PHKG1: variants seen among roughly 807,000 people sequenced by gnomAD.
The protein encoded by PHKG1 is phosphorylase b kinase gamma catalytic chain, skeletal muscle/heart isoform.
PHKG1 carries 48 observed loss-of-function variants against 50.5 expected under a neutral mutation model. The observed-to-expected ratio is 0.95, with a 90% CI of 0.75 to 1.21. The LOEUF is 1.21. Ranked by LOEUF, PHKG1 falls within the 50% of genes most tolerant of loss-of-function variation. The probability of loss-of-function intolerance (pLI) is 0.00; values close to 1 mark genes in which losing one functional copy is unlikely to be tolerated. For synonymous variants in PHKG1, 204 were observed against 212.8 expected, an observed-to-expected ratio of 0.96 and a Z score of 0.36; for missense variants, 487 against 519.5, an observed-to-expected ratio of 0.94 and a Z score of 0.61.
In PHKG1 at chr7:56,082,213, G is replaced by A. The variant is rs763610501; in HGVS notation, c.588C>T (p.Ile196=). ...GTPSYLAPEI[I]ECSMNEDHPG... Reference sequence around the variant, plus strand: ...GGTGGTCCTCATTCATGGAGCACTCGATAATCTCAGGGGCCAGGTAACTGG... The same window carrying A: ...GGTGGTCCTCATTCATGGAGCACTCAATAATCTCAGGGGCCAGGTAACTGG... The change falls in exon 7 of 10, where the codon ATC becomes ATT. Residue 196 remains isoleucine, a synonymous_variant. Coordinates refer to ENST00000297373, the MANE Select transcript of PHKG1 (RefSeq NM_006213.5). 6 of 1,613,788 alleles carry A rather than the reference G, an allele frequency of 3.7e-6. No individual in the cohort carries two copies. The highest frequency in any genetic ancestry group is 2.2e-5 in the East Asian group (1 of 44,870).
At chr7:56,089,030 C>T in intron 1 of PHKG1, 55 bp from the exon 2 acceptor site, 1 of 819,510 alleles carries the variant, frequency 1.2e-6, no homozygotes. Flanking sequence ...GGCTGTTCTC[C>T]TTGGGGTCTG....
intron 2 of PHKG1, 112 bp downstream of exon 2, chr7:56,088,747 C>T: frequency 1.5e-6 from 1 of 689,132 alleles, no homozygotes; most frequent in Admixed American, 2.4e-5. Context: ...AAGTGAACAG[C>T]ACTTTGGGGA....
chr7:56,089,016 C>T lies in PHKG1; in HGVS notation c.-34-41G>A, dbSNP rs1796387642. 3 of 967,296 alleles carry T rather than the reference C, an allele frequency of 3.1e-6. No individual in the cohort carries two copies. In the Admixed American group the frequency reaches 5.8e-5, roughly 19 times the overall value. The allele number at this position is 967,296 out of a possible 1,614,324, so 59.9% of individuals were successfully genotyped here. ...AAAGAAGCTGTCAGCCTTCCTGACC[C>T]AGGGGCTGTTCTCCTTGGGGTCTGG... On this transcript the variant is annotated intron_variant, in intron 1 of 9. Transcript: ENST00000297373.
chr7:56,090,175 G>A (rs750609835), intron 1 of PHKG1, among the ~76,000 whole-genome samples: 3 of 151,956 alleles, frequency 2.0e-5, no homozygotes, highest in Non-Finnish European at 4.4e-5. Flanking sequence ...AAGTGCAGTG[G>A]TGTGGTCTTG....
Position 56,080,589 on chromosome 7 carries a change from CAT to C in PHKG1, c.*463_*464del. On this transcript the variant is annotated 3_prime_UTR_variant, in exon 10 of 10. Coordinates refer to ENST00000297373, the MANE Select transcript of PHKG1 (RefSeq NM_006213.5). The stretch of plus-strand genomic sequence containing the variant: ...CCCCTTCTCCATATGCCTCCAAAAA[CAT>C]GTCCCTGGAGAGTAGCCTGCTCCCA... 5.6e-6 allele frequency: 1 copy of C among 177,154 alleles called. No individual in the cohort carries two copies. The highest frequency in any genetic ancestry group is 2.4e-5 in the African/African-American group (1 of 41,974). 11.0% of individuals were successfully genotyped at this position (177,154 alleles called of 1,614,324 possible). A position where few individuals can be genotyped will look rare whatever the true frequency, so the allele number is the denominator to read the frequency against.
At chr7:56,091,645 C>G (rs1318495978) in intron 1 of PHKG1, among the ~76,000 whole-genome samples, 1 of 152,176 alleles carries the variant, frequency 6.6e-6, no homozygotes, top group Non-Finnish European at 1.5e-5. Flanking sequence ...TGCCTCCAAC[C>G]CCCTTTCCCC....
At chr7:56,084,161 T>G in intron 4 of PHKG1, 1 of 1,529,718 alleles carries the variant, frequency 6.5e-7, no homozygotes, top group Non-Finnish European at 8.8e-7. Context: ...TGCCCTGCCC[T>G]GGGCCCTGAA....
chr7:56,081,144 C>T lies in PHKG1; in HGVS notation c.1074G>A (p.Trp358Ter). 1 of 1,613,894 alleles carries T rather than the reference C, an allele frequency of 6.2e-7. No individual in the cohort carries two copies. Among genetic ancestry groups the T allele is most frequent in the African/African-American group, 1.3e-5 (1 of 75,028 alleles). The change falls in exon 10 of 10, where the codon TGG becomes TGA. Residue 358 changes from tryptophan (W) to a stop codon, truncating the protein, a stop_gained. Transcript: ENST00000297373. LOFTEE classifies it high-confidence loss of function. This position sits in a 1 kb window ranked among gnomAD's most constrained non-coding sequence, Gnocchi z 4.6. ...GGTTCTGCTGCTGCCCCTTCTTCAC[C>T]CAGTGGCCATAGATTCGGAAAGCGT... ...DAYAFRIYGH[W>*]VKKGQQQNRA...
At position 56,080,740 on chromosome 7, in the gene PHKG1, C is replaced by T; in HGVS notation, c.*314G>A. On this transcript the variant is annotated 3_prime_UTR_variant, in exon 10 of 10. Coordinates refer to ENST00000297373, the MANE Select transcript of PHKG1 (RefSeq NM_006213.5). The stretch of plus-strand genomic sequence containing the variant: ...AAGCCTGAGTGTCAGTAACTCTGGG[C>T]CTCCCCTAAAGAGAAATGGAGATGG... 1 of 395,658 alleles carries T rather than the reference C, an allele frequency of 2.5e-6. No homozygotes were observed. The highest frequency in any genetic ancestry group is 4.0e-5 in the Admixed American group (1 of 25,156). The allele number at this position is 395,658 out of a possible 1,614,324, so 24.5% of individuals were successfully genotyped here. A position where few individuals can be genotyped will look rare whatever the true frequency, so the allele number is the denominator to read the frequency against.
intron 1 of PHKG1, 54 bp from the exon 2 acceptor site, chr7:56,089,029 C>T: frequency 1.2e-6 from 1 of 823,408 alleles, no homozygotes; most frequent in Non-Finnish European, 2.1e-6. Flanking sequence ...GGGCTGTTCT[C>T]CTTGGGGTCT....
chr7:56,084,123 C>G (rs2242510), intron 4 of PHKG1: 61,111 of 1,329,782 alleles, frequency 0.046, 2,123 homozygotes, highest in East Asian at 0.2. Flanking sequence ...CAATGGGCCC[C>G]GAGCTGGTGG....
At chr7:56,087,063 G>T in intron 3 of PHKG1, 39 bp from the exon 4 acceptor site, 1 of 1,576,128 alleles carries the variant, frequency 6.3e-7, no homozygotes, top group Non-Finnish European at 8.7e-7. Flanking sequence ...AGTAGCAGGG[G>T]AGCCCAGGCA....
chr7:56,091,871 C>T (rs1307933781), intron 1 of PHKG1, among the ~76,000 whole-genome samples: 1 of 152,270 alleles, frequency 6.6e-6, no homozygotes, highest in Non-Finnish European at 1.5e-5. Flanking sequence ...GCCTTCTCTG[C>T]CTGCCCCATC....
At position 56,083,366 on chromosome 7, in the gene PHKG1, G is replaced by A. The variant is rs150097641; in HGVS notation, c.459C>T (p.Pro153=). ...TGTTGTCATCCAAGAGAATGTTCTCGGGCTTCAGGTCCCGGTGCACGATGT... is the reference window on the plus strand; with the variant it reads ...TGTTGTCATCCAAGAGAATGTTCTCAGGCTTCAGGTCCCGGTGCACGATGT... ...KLNIVHRDLK[P]ENILLDDNMN... Residue 153 remains proline, a synonymous_variant, in exon 6 of 10, where the codon CCC becomes CCT. Coordinates refer to ENST00000297373, the MANE Select transcript of PHKG1 (RefSeq NM_006213.5). The A allele has an allele frequency of 3.5e-5, 56 of 1,613,990 alleles. No homozygotes were observed. The highest frequency in any genetic ancestry group is 1.0e-4 in the Admixed American group (6 of 59,988).
chr7:56,083,762 C>T (rs760591982), intron 4 of PHKG1, 47 bp from the exon 5 acceptor site: 1 of 1,298,114 alleles, frequency 7.7e-7, no homozygotes. Context: ...AAGACCACCA[C>T]TGCCCTTACC....
At chr7:56,092,640 G>C (rs374377085) in intron 1 of PHKG1, among the ~76,000 whole-genome samples, 196 bp downstream of exon 1, 1 of 152,064 alleles carries the variant, frequency 6.6e-6, no homozygotes, top group Non-Finnish European at 1.5e-5. Flanking sequence ...GATCAGTCCC[G>C]GGGACCTCTT....
At position 56,087,628 on chromosome 7, in the gene PHKG1, G is replaced by A. The variant is rs1363867457; in HGVS notation, c.232C>T (p.Leu78=). The change falls in exon 3 of 10, where the codon CTG becomes TTG. Residue 78 remains leucine, a synonymous_variant. Coordinates refer to ENST00000297373, the MANE Select transcript of PHKG1 (RefSeq NM_006213.5). The part of the protein sequence containing the change: ...REATLKEVDI[L]RKVSGHPNII... ...TTGGGGTGCCCTGAGACCTTGCGCAGGATGTCCACCTCCTTCAGCGTGGCT... is the reference window on the plus strand; with the variant it reads ...TTGGGGTGCCCTGAGACCTTGCGCAAGATGTCCACCTCCTTCAGCGTGGCT... 6.2e-7 allele frequency: 1 copy of A among 1,613,914 alleles called. No individual in the cohort carries two copies. Among genetic ancestry groups the A allele is most frequent in the African/African-American group, 1.3e-5 (1 of 75,050 alleles).
rs756697555 is a variant in PHKG1, at chr7:56,081,168, G to A, written c.1050C>T (p.Tyr350=). ...LRPLRRLIDA[Y]AFRIYGHWVK... is the part of the protein sequence containing the mutation. ...CCCAGTGGCCATAGATTCGGAAAGC[G>A]TAGGCGTCGATGAGCCGGCGCAGAG... The change falls in exon 10 of 10, where the codon TAC becomes TAT. Residue 350 remains tyrosine (Y), a synonymous_variant. Transcript: ENST00000297373. This position sits in a 1 kb window ranked among gnomAD's most constrained non-coding sequence, Gnocchi z 4.6. The A allele has an allele frequency of 9.9e-6, 16 of 1,613,922 alleles. No individual in the cohort carries two copies. Among genetic ancestry groups the A allele is most frequent in the Non-Finnish European group, 1.2e-5 (14 of 1,179,942 alleles).
At chr7:56,087,494 G>A in intron 3 of PHKG1, 104 bp downstream of exon 3, 2 of 1,095,934 alleles carry the variant, frequency 1.8e-6, no homozygotes, top group Non-Finnish European at 2.7e-6. Context: ...TTGAGCCTGG[G>A]TGGTTCTAGT....
Sources: allele counts gnomAD v4.1 joint callset (sites outside exome capture counted in the v4.1 genomes callset), GRCh38; gene constraint gnomAD v4.1.1; non-coding constraint Gnocchi (gnomAD v3.1); transcripts MANE v1.5; gene names NCBI Gene and HGNC (gene_info 2026-07-23, HGNC 2026-07-21).